Variants in TMTC2 observed in about 807,000 individuals in gnomAD.
The protein encoded by TMTC2 is protein O-mannosyl-transferase TMTC2.
Under a neutral mutation model 82.4 loss-of-function variants are expected in TMTC2, and 43 were observed. The ratio of observed to expected loss-of-function variants is 0.52; its 90% CI spans 0.41 to 0.67. The LOEUF (loss-of-function observed/expected upper bound fraction) is 0.67, where lower values mean the gene tolerates loss of function less well. Ranked by LOEUF, TMTC2 falls within the 30% of genes least tolerant of loss-of-function variation. The pLI is 0.00. For missense variants in TMTC2, 919 were observed against 1,012.4 expected, an observed-to-expected ratio of 0.91 and a Z score of 1.25; for synonymous variants, 408 against 381.9, an observed-to-expected ratio of 1.07 and a Z score of -0.80.
intron 3 of TMTC2, among the ~76,000 whole-genome samples, chr12:82,920,023 T>C (rs1875290493): frequency 6.6e-6 from 1 of 152,228 alleles, no homozygotes; most frequent in African/African-American, 2.4e-5. Flanking sequence ...TGCTTCCATA[T>C]TTTCAGGTGT....
intron 11 of TMTC2, among the ~76,000 whole-genome samples, chr12:83,079,539 C>T (rs1883394087): frequency 6.6e-6 from 1 of 152,110 alleles, no homozygotes; most frequent in Non-Finnish European, 1.5e-5. Context: ...ATTTTACCTT[C>T]TACAACTGTT....
At chr12:82,860,732 A>C (rs1203242888) in intron 2 of TMTC2, among the ~76,000 whole-genome samples, 1 of 152,210 alleles carries the variant, frequency 6.6e-6, no homozygotes, top group Non-Finnish European at 1.5e-5. Flanking sequence ...TGCCTTCTTA[A>C]GGTGAACTGC....
rs181605028 is a variant in TMTC2, at chr12:83,097,696, C to G, written c.2332-34514C>G. On this transcript the variant is annotated intron_variant, in intron 11 of 11. Transcript: ENST00000321196. ...ATTTATAAGACATAAGAAAATAAAACGTAAAGAGGGAGGCATACTTTACAA... is the reference window on the plus strand; with the variant it reads ...ATTTATAAGACATAAGAAAATAAAAGGTAAAGAGGGAGGCATACTTTACAA... 3.7e-4 allele frequency among the ~76,000 whole-genome samples: 57 copies of G among 152,176 alleles called. 2 individuals are homozygous for G. Among genetic ancestry groups the G allele is most frequent in the Admixed American group, 2.8e-3 (43 of 15,280 alleles).
chr12:83,039,519 T>A (rs1374967092), intron 9 of TMTC2, among the ~76,000 whole-genome samples: 6 of 152,110 alleles, frequency 3.9e-5, no homozygotes. Flanking sequence ...TGAGTACTTT[T>A]GTGGCCTGAG....
In TMTC2 at chr12:82,872,553, C is replaced by T. The variant is rs149994478; in HGVS notation, c.654+14973C>T. 5.9e-3 allele frequency among the ~76,000 whole-genome samples: 893 copies of T among 152,168 alleles called. 7 individuals carry two copies. The highest frequency in any genetic ancestry group is 0.021 in the African/African-American group (859 of 41,498). On this transcript the variant is annotated intron_variant, in intron 2 of 11. Transcript: ENST00000321196. The stretch of plus-strand genomic sequence containing the variant: ...ATTGCTAATACAGGAAAATATTTCC[C>T]GCATTGCTTTATATGGGAAATAATG...
At chr12:82,878,567 C>T (rs748402465) in intron 2 of TMTC2, among the ~76,000 whole-genome samples, 61 of 151,960 alleles carry the variant, frequency 4.0e-4, no homozygotes, top group Non-Finnish European at 8.4e-4. Flanking sequence ...GGCAGTACCA[C>T]GAGGGGACTT....
intron 2 of TMTC2, among the ~76,000 whole-genome samples, chr12:82,883,920 T>G (rs1015588237): frequency 6.6e-6 from 1 of 152,192 alleles, no homozygotes; most frequent in Non-Finnish European, 1.5e-5. Flanking sequence ...TCACAAAGGA[T>G]ATTTTCTTCA....
intron 8 of TMTC2, among the ~76,000 whole-genome samples, chr12:82,990,242 A>G (rs554986287): frequency 1.1e-4 from 16 of 152,312 alleles, no homozygotes; most frequent in African/African-American, 3.8e-4. Context: ...TTAGACTTAG[A>G]CTGGAGAGTA....
At chr12:83,021,054 T>C (rs1240619231) in intron 8 of TMTC2, among the ~76,000 whole-genome samples, 1 of 152,194 alleles carries the variant, frequency 6.6e-6, no homozygotes, top group African/African-American at 2.4e-5. Flanking sequence ...AAAATGGTCC[T>C]GTATGTTTAC....
intron 1 of TMTC2, among the ~76,000 whole-genome samples, chr12:82,747,221 CTAAT>C (rs1213703872): frequency 6.6e-6 from 1 of 152,114 alleles, no homozygotes; most frequent in Non-Finnish European, 1.5e-5. Flanking sequence ...ATGAGAGGTG[CTAAT>C]TAATTTCAGT....
At chr12:82,813,797 C>T (rs1868535625) in intron 1 of TMTC2, among the ~76,000 whole-genome samples, 1 of 152,018 alleles carries the variant, frequency 6.6e-6, no homozygotes, top group South Asian at 2.1e-4. Context: ...TATGGTCATT[C>T]ATTTATGGTT....
intron 8 of TMTC2, among the ~76,000 whole-genome samples, chr12:82,987,242 G>A (rs143463288): frequency 0.013 from 2,048 of 151,894 alleles, 39 homozygotes; most frequent in African/African-American, 0.046. Context: ...TGGCCAACAC[G>A]GCGAAACTCC....
At chr12:83,060,159 C>T (rs183566072) in intron 10 of TMTC2, among the ~76,000 whole-genome samples, 164 of 151,768 alleles carry the variant, frequency 1.1e-3, no homozygotes, top group Middle Eastern at 3.4e-3. Flanking sequence ...TGCAACAGCA[C>T]GTTGTAACAT....
At position 82,704,063 on chromosome 12, in the gene TMTC2, A is replaced by T. The variant is rs139986444; in HGVS notation, c.83+16394A>T. Among the ~76,000 whole-genome samples the T allele has an allele frequency of 1.3e-3, 196 of 152,248 alleles. 4 individuals carry two copies. In the East Asian group the frequency reaches 0.035, roughly 27 times the overall value. On this transcript the variant is annotated intron_variant, in intron 1 of 11. Coordinates refer to ENST00000321196, the MANE Select transcript of TMTC2 (RefSeq NM_152588.3). ...TTATGTACTTAGAATTTGAGTTCTG[A>T]TAATTTATTTTTTTATGGGAGGTGG...
chr12:82,844,556 C>A (rs1870526123), intron 1 of TMTC2, among the ~76,000 whole-genome samples: 1 of 152,236 alleles, frequency 6.6e-6, no homozygotes, highest in Middle Eastern at 3.4e-3. Context: ...AATCCCAGCA[C>A]TTTGGGTGGC....
At chr12:82,718,913 C>G (rs944411478) in intron 1 of TMTC2, among the ~76,000 whole-genome samples, 3 of 151,338 alleles carry the variant, frequency 2.0e-5, no homozygotes, top group African/African-American at 4.9e-5. Context: ...CCTACAGATA[C>G]CACATTCATG....
In TMTC2 at chr12:82,997,221, C is replaced by CTCTCTCTCTCTATATATATA. The variant is rs1451262969; in HGVS notation, c.2070+11176_2070+11177insCTCTCTCTCTATATATATAT. ...TCCCCCTCTCCCTCTCTCTCTCTCTCTATATATATATATAGTTATGTATAG... is the reference window on the plus strand; with the variant it reads ...TCCCCCTCTCCCTCTCTCTCTCTCTCTCTCTCTCTCTATATATATATATATATATATATAGTTATGTATAG... On this transcript the variant is annotated intron_variant, in intron 8 of 11. Transcript: ENST00000321196. Among the ~76,000 whole-genome samples the CTCTCTCTCTCTATATATATA allele has an allele frequency of 4.8e-4, 57 of 118,540 alleles. 1 individual carries two copies. Among genetic ancestry groups the CTCTCTCTCTCTATATATATA allele is most frequent in the African/African-American group, 2.0e-3 (55 of 27,258 alleles). The allele number at this position is 118,540 out of a possible 152,430, so 77.8% of individuals were successfully genotyped here. A position where few individuals can be genotyped will look rare whatever the true frequency, so the allele number is the denominator to read the frequency against.
At chr12:82,688,355 T>C (rs1022319407) in intron 1 of TMTC2, among the ~76,000 whole-genome samples, 2 of 152,202 alleles carry the variant, frequency 1.3e-5, no homozygotes, top group African/African-American at 4.8e-5. Context: ...TTTGTACTAA[T>C]TGGAGAAGAA....
At chr12:83,008,296 C>T (rs1326545416) in intron 8 of TMTC2, among the ~76,000 whole-genome samples, 1 of 152,244 alleles carries the variant, frequency 6.6e-6, no homozygotes, top group South Asian at 2.1e-4. Flanking sequence ...TTTTTCTTCT[C>T]CTTCTGATAT....
Sources: allele counts gnomAD v4.1 joint callset (sites outside exome capture counted in the v4.1 genomes callset), GRCh38; gene constraint gnomAD v4.1.1; transcripts MANE v1.5; gene names NCBI Gene and HGNC (gene_info 2026-07-23, HGNC 2026-07-21).